WDR70: variants seen among roughly 807,000 people sequenced by gnomAD.
WDR70 encodes WD repeat domain 70, also known as WD repeat-containing protein 70.
Under a neutral mutation model 88.6 loss-of-function variants are expected in WDR70, and 53 were observed. That is an observed-to-expected ratio of 0.60 (90% CI 0.48 to 0.75). The LOEUF (loss-of-function observed/expected upper bound fraction) is 0.75. Ranked by LOEUF, WDR70 falls within the 30% of genes least tolerant of loss-of-function variation. The pLI is 0.00. For missense variants in WDR70, 610 were observed against 823.2 expected (o/e 0.74, Z 3.17); for synonymous variants, 280 against 270.0 (o/e 1.04, Z -0.36).
intron 3 of WDR70, among the ~76,000 whole-genome samples, chr5:37,387,632 G>T (rs1394315306): frequency 7.1e-6 from 1 of 140,566 alleles, no homozygotes; most frequent in Admixed American, 7.8e-5. Context: ...TCATTATATG[G>T]GAAGTTATTC....
chr5:37,719,502 T>C (rs1561089531), intron 13 of WDR70, among the ~76,000 whole-genome samples: 1 of 152,182 alleles, frequency 6.6e-6, no homozygotes, highest in African/African-American at 2.4e-5. Flanking sequence ...AGAAAAATTG[T>C]GGAAAGCAAG....
At chr5:37,645,130 G>T (rs1745199161) in intron 10 of WDR70, among the ~76,000 whole-genome samples, 2 of 149,288 alleles carry the variant, frequency 1.3e-5, no homozygotes, top group African/African-American at 4.9e-5. Flanking sequence ...CGTTCCTCTT[G>T]GTACTGCTGT....
At chr5:37,583,198 A>G (rs1743268518) in intron 9 of WDR70, among the ~76,000 whole-genome samples, 2 of 152,168 alleles carry the variant, frequency 1.3e-5, no homozygotes, top group Admixed American at 6.5e-5. Flanking sequence ...AGGCCAAAGC[A>G]GGTGGATCAC....
chr5:37,670,342 A>G (rs1373908449), intron 10 of WDR70, among the ~76,000 whole-genome samples: 1 of 152,226 alleles, frequency 6.6e-6, no homozygotes, highest in Non-Finnish European at 1.5e-5. Context: ...ACTCAGTGAC[A>G]GAGGCAGCGA....
At chr5:37,406,757 TA>T (rs11364382) in intron 5 of WDR70, among the ~76,000 whole-genome samples, 20,445 of 152,138 alleles carry the variant, frequency 0.13, 4,503 homozygotes, top group African/African-American at 0.46. Context: ...AAACTTAAAC[TA>T]AAAGGAAACT....
intron 8 of WDR70, among the ~76,000 whole-genome samples, chr5:37,487,627 A>ATATATATAT (rs1317924512): frequency 2.9e-5 from 2 of 69,070 alleles, no homozygotes; most frequent in African/African-American, 1.0e-4. Flanking sequence ...ATATATATGT[A>ATATATATAT]TTTTTTTTTT....
At chr5:37,545,742 T>G (rs1741971281) in intron 9 of WDR70, among the ~76,000 whole-genome samples, 4 of 152,174 alleles carry the variant, frequency 2.6e-5, no homozygotes, top group South Asian at 2.1e-4. Context: ...CAGGCTGTTC[T>G]AGAACTCCTG....
At chr5:37,559,673 C>T (rs1327832914) in intron 9 of WDR70, among the ~76,000 whole-genome samples, 2 of 151,834 alleles carry the variant, frequency 1.3e-5, no homozygotes, top group South Asian at 2.1e-4. Context: ...GGTGAAGCCC[C>T]GTCTCTACTA....
chr5:37,463,423 C>T (rs1186647699), intron 7 of WDR70, among the ~76,000 whole-genome samples: 1 of 152,134 alleles, frequency 6.6e-6, no homozygotes, highest in East Asian at 1.9e-4. Context: ...GGCTCCTGAG[C>T]CCCAAGTGAC....
intron 8 of WDR70, among the ~76,000 whole-genome samples, chr5:37,508,997 T>C (rs1046940133): frequency 6.6e-6 from 1 of 152,002 alleles, no homozygotes; most frequent in Non-Finnish European, 1.5e-5. Context: ...TTCCTTCCTT[T>C]AAGTTACCAA....
At chr5:37,740,245 C>A (rs1748433602) in intron 17 of WDR70, among the ~76,000 whole-genome samples, 1 of 152,106 alleles carries the variant, frequency 6.6e-6, no homozygotes, top group African/African-American at 2.4e-5. Flanking sequence ...TAAAGAAATC[C>A]ATTTAAAATG....
chr5:37,389,023 C>T (rs1295698889), intron 3 of WDR70, among the ~76,000 whole-genome samples: 1 of 151,668 alleles, frequency 6.6e-6, no homozygotes. Flanking sequence ...CTGCTGCTGC[C>T]ACCCCCCGAG....
At chr5:37,559,529 A>T (rs370509419) in intron 9 of WDR70, among the ~76,000 whole-genome samples, 23 of 152,228 alleles carry the variant, frequency 1.5e-4, no homozygotes, top group African/African-American at 5.5e-4. Flanking sequence ...ATTGCCAGAA[A>T]TGTGTTAGTC....
chr5:37,551,916 C>T (rs916884093), intron 9 of WDR70, among the ~76,000 whole-genome samples: 8 of 151,492 alleles, frequency 5.3e-5, no homozygotes, highest in East Asian at 2.0e-4. Flanking sequence ...GAATTACAGG[C>T]GCCCACCACC....
chr5:37,606,217 A>C (rs755777079), intron 10 of WDR70, among the ~76,000 whole-genome samples: 1 of 152,174 alleles, frequency 6.6e-6, no homozygotes. Flanking sequence ...AAAAGTGTTG[A>C]TAGACGGGAA....
At chr5:37,456,462 T>C (rs959829948) in intron 7 of WDR70, among the ~76,000 whole-genome samples, 3 of 152,236 alleles carry the variant, frequency 2.0e-5, no homozygotes, top group Admixed American at 6.5e-5. Flanking sequence ...ATAAGATATG[T>C]GTGTCACAAA....
intron 7 of WDR70, among the ~76,000 whole-genome samples, chr5:37,455,380 G>T (rs1041802985): frequency 6.6e-6 from 1 of 151,472 alleles, no homozygotes. Context: ...GAGGAGCTGG[G>T]ATTAAGGCAC....
In WDR70 at chr5:37,713,039, G is replaced by C. The variant is rs529744587; in HGVS notation, c.1417-8076G>C. ...CTTTATAAATTTTTTGTAACTAGCA[G>C]ATTCTTGATTCAGATGCAGTTTTTT... On this transcript the variant is annotated intron_variant, in intron 13 of 17. Coordinates refer to ENST00000265107, the MANE Select transcript of WDR70 (RefSeq NM_018034.4). Among the ~76,000 whole-genome samples the C allele has an allele frequency of 2.0e-5, 3 of 152,226 alleles. No homozygotes were observed. The East Asian group carries it at 5.8e-4, about 29-fold the overall frequency.
At chr5:37,694,784 A>G (rs545085824) in intron 10 of WDR70, among the ~76,000 whole-genome samples, 1 of 152,166 alleles carries the variant, frequency 6.6e-6, no homozygotes, top group South Asian at 2.1e-4. Flanking sequence ...ACCATGGCAC[A>G]TGTATACCTA....
Sources: gnomAD v4.1 joint callset for allele counts (sites outside exome capture counted in the v4.1 genomes callset) on GRCh38, gnomAD v4.1.1 for gene constraint, MANE v1.5 for transcripts, NCBI Gene and HGNC (gene_info 2026-07-23, HGNC 2026-07-21) for gene names.